ZBTB20: variants seen among roughly 807,000 people sequenced by gnomAD.
ZBTB20 encodes the protein zinc finger and BTB domain-containing protein 20.
Under a neutral mutation model 56.9 loss-of-function variants are expected in ZBTB20, and 9 were observed. The ratio of observed to expected loss-of-function variants is 0.16; its 90% CI spans 0.10 to 0.28. The LOEUF is 0.28. ZBTB20 is among the 10% of genes least tolerant of loss of function. The pLI, the probability that ZBTB20 is intolerant of heterozygous loss-of-function variation, is 1.00. For missense variants in ZBTB20, 655 were observed against 1,003.0 expected (o/e 0.65, Z 4.69); for synonymous variants, 417 against 420.7 (o/e 0.99, Z 0.11).
At chr3:114,945,257 G>A (rs989844714) in intron 3 of ZBTB20, among the ~76,000 whole-genome samples, 1 of 145,440 alleles carries the variant, frequency 6.9e-6, no homozygotes, top group Non-Finnish European at 1.5e-5. Flanking sequence ...TTCACCGAAA[G>A]ATTCATACTA....
At chr3:114,409,904 T>C (rs1412604333) in intron 7 of ZBTB20, among the ~76,000 whole-genome samples, 1 of 152,172 alleles carries the variant, frequency 6.6e-6, no homozygotes, top group South Asian at 2.1e-4. Context: ...AATAGGACTT[T>C]TATATAGGGT....
intron 2 of ZBTB20, among the ~76,000 whole-genome samples, chr3:115,029,816 A>G (rs2080591580): frequency 6.6e-6 from 1 of 151,012 alleles, no homozygotes; most frequent in Admixed American, 6.6e-5. Flanking sequence ...AGAATTTTTA[A>G]TCTTATCTTG....
intron 6 of ZBTB20, among the ~76,000 whole-genome samples, chr3:114,584,630 G>A (rs1162641405): frequency 6.6e-6 from 1 of 152,090 alleles, no homozygotes; most frequent in Non-Finnish European, 1.5e-5. Context: ...ATTTGGGATG[G>A]GAGTAAAACA....
chr3:114,745,150 TAGAA>T (rs1469230080), intron 5 of ZBTB20, among the ~76,000 whole-genome samples: 3 of 152,142 alleles, frequency 2.0e-5, no homozygotes, highest in Non-Finnish European at 4.4e-5. Flanking sequence ...TGTTTTTGAA[TAGAA>T]AGGAAGAAGA....
chr3:114,887,114 G>A (rs2076630337), intron 4 of ZBTB20, among the ~76,000 whole-genome samples: 1 of 152,068 alleles, frequency 6.6e-6, no homozygotes, highest in Admixed American at 6.6e-5. Flanking sequence ...AAAGCTACCA[G>A]TCCCATTCCC....
At chr3:114,549,965 C>G (rs567350387) in intron 6 of ZBTB20, among the ~76,000 whole-genome samples, 1 of 151,724 alleles carries the variant, frequency 6.6e-6, no homozygotes, top group Non-Finnish European at 1.5e-5. Flanking sequence ...TGAGATGGAG[C>G]CTTGCTCTGT....
intron 2 of ZBTB20, among the ~76,000 whole-genome samples, chr3:115,044,001 T>C (rs914214560): frequency 1.3e-5 from 2 of 152,160 alleles, no homozygotes; most frequent in Non-Finnish European, 2.9e-5. Context: ...CCTCACCTCC[T>C]TGCTCCTGCT....
chr3:114,889,560 G>C (rs1222321700), intron 4 of ZBTB20, among the ~76,000 whole-genome samples: 1 of 151,942 alleles, frequency 6.6e-6, no homozygotes, highest in Non-Finnish European at 1.5e-5. Context: ...TGTGTCAGTA[G>C]CTACAATAAT....
intron 5 of ZBTB20, among the ~76,000 whole-genome samples, chr3:114,695,068 G>A (rs1413490433): frequency 3.3e-5 from 5 of 152,000 alleles, no homozygotes; most frequent in African/African-American, 9.7e-5. Context: ...ACTATTATGT[G>A]CCAGACACAA....
intron 2 of ZBTB20, among the ~76,000 whole-genome samples, chr3:115,030,995 G>C (rs2080651234): frequency 3.3e-5 from 5 of 151,350 alleles, no homozygotes. Flanking sequence ...ACAGCTTTAA[G>C]TAATTTTCTG....
chr3:114,608,683 C>G (rs2057342398), intron 6 of ZBTB20, among the ~76,000 whole-genome samples: 1 of 152,196 alleles, frequency 6.6e-6, no homozygotes, highest in South Asian at 2.1e-4. Flanking sequence ...GGGCTGTTAA[C>G]TAGCCCATTC....
chr3:114,537,362 G>A (rs1341919785), intron 6 of ZBTB20, among the ~76,000 whole-genome samples: 1 of 152,180 alleles, frequency 6.6e-6, no homozygotes, highest in Non-Finnish European at 1.5e-5. Flanking sequence ...AGACATTTAT[G>A]TGGTCAACGA....
intron 4 of ZBTB20, among the ~76,000 whole-genome samples, chr3:114,898,823 C>T (rs540747712): frequency 3.1e-4 from 47 of 151,976 alleles, no homozygotes; most frequent in Non-Finnish European, 4.7e-4. Flanking sequence ...TAAATACCGA[C>T]GGAAACTCCT....
intron 1 of ZBTB20, among the ~76,000 whole-genome samples, chr3:115,086,557 G>T (rs951627986): frequency 1.3e-5 from 2 of 151,770 alleles, no homozygotes; most frequent in Non-Finnish European, 2.9e-5. Flanking sequence ...GCTGCTATTT[G>T]CAAGTAGACA....
rs2087454745 is a variant in ZBTB20 at position 114,407,533 on chromosome 3, G to T, written c.-254-18428C>A. 2.6e-5 allele frequency among the ~76,000 whole-genome samples: 4 copies of T among 152,134 alleles called. No individual in the cohort carries two copies. In the South Asian group the frequency reaches 6.2e-4, roughly 24 times the overall value. ...AACATAATGACAATTGGGAAGTAAA[G>T]AAATAGCACATTTTTAGGATAAGGT... On this transcript the variant is annotated intron_variant, in intron 7 of 11. Coordinates refer to ENST00000675478, the MANE Select transcript of ZBTB20 (RefSeq NM_001348800.3).
intron 5 of ZBTB20, among the ~76,000 whole-genome samples, chr3:114,788,962 C>G (rs116287633): frequency 0.06 from 9,069 of 152,090 alleles, 296 homozygotes; most frequent in Middle Eastern, 0.13. Flanking sequence ...ATCATGAGAA[C>G]AGCACAGGAA....
chr3:114,839,446 A>AGAAG (rs2074274844), intron 4 of ZBTB20, among the ~76,000 whole-genome samples: 2 of 151,540 alleles, frequency 1.3e-5, no homozygotes, highest in Admixed American at 1.3e-4. Flanking sequence ...AAAGAAAGAA[A>AGAAG]GAAAGAAAGA....
chr3:114,409,129 T>C (rs2087666871), intron 7 of ZBTB20, among the ~76,000 whole-genome samples: 2 of 102,306 alleles, frequency 2.0e-5, no homozygotes, highest in African/African-American at 3.6e-5. Flanking sequence ...GGAAGACTTT[T>C]TTTTTTTTTT....
chr3:114,934,479 T>C (rs905070478), intron 3 of ZBTB20, among the ~76,000 whole-genome samples: 1 of 152,162 alleles, frequency 6.6e-6, no homozygotes, highest in Non-Finnish European at 1.5e-5. Context: ...TTTTGAACCA[T>C]AGTATCTGTG....
Sources: allele counts gnomAD v4.1 joint callset (sites outside exome capture counted in the v4.1 genomes callset), GRCh38; gene constraint gnomAD v4.1.1; transcripts MANE v1.5; gene names NCBI Gene and HGNC (gene_info 2026-07-23, HGNC 2026-07-21).